Variants in ABCB1 observed in about 807,000 individuals in gnomAD.
ABCB1 encodes ATP-dependent translocase ABCB1.
Under a neutral mutation model 142.0 loss-of-function variants are expected in ABCB1, and 69 were observed. That is an observed-to-expected ratio of 0.49 (90% confidence interval 0.40 to 0.59). The LOEUF (loss-of-function observed/expected upper bound fraction) is 0.59. ABCB1 is among the 20% of genes least tolerant of loss of function. The pLI is 0.00. For missense variants in ABCB1, 1,326 were observed against 1,554.7 expected, an observed-to-expected ratio of 0.85 and a Z score of 2.47; for synonymous variants, 532 against 539.2, an observed-to-expected ratio of 0.99 and a Z score of 0.18.
intron 1 of ABCB1, among the ~76,000 whole-genome samples, chr7:87,706,841 T>G (rs1330559124): frequency 6.6e-6 from 1 of 152,130 alleles, no homozygotes; most frequent in Non-Finnish European, 1.5e-5. Context: ...CATCTGTAGC[T>G]CAAAGCAAAG....
intron 20 of ABCB1, among the ~76,000 whole-genome samples, chr7:87,532,860 AC>A (rs1395175101): frequency 6.6e-6 from 1 of 152,050 alleles, no homozygotes. Context: ...CTGCATCGGG[AC>A]CCCTTTCTAG....
intron 21 of ABCB1, among the ~76,000 whole-genome samples, chr7:87,530,785 A>AAAAGAAAG (rs1169069796): frequency 7.7e-6 from 1 of 129,792 alleles, no homozygotes; most frequent in Non-Finnish European, 1.7e-5. Flanking sequence ...AGCTTGAAAG[A>AAAAGAAAG]AAAGAAAGAA....
At chr7:87,568,257 T>TAATAAC (rs1286398432) in intron 5 of ABCB1, among the ~76,000 whole-genome samples, 1 of 133,678 alleles carries the variant, frequency 7.5e-6, no homozygotes, top group Non-Finnish European at 1.6e-5. Context: ...ATAATAATAA[T>TAATAAC]AATAATAATA....
At chr7:87,615,133 A>G (rs1819993436) in intron 1 of ABCB1, among the ~76,000 whole-genome samples, 1 of 152,110 alleles carries the variant, frequency 6.6e-6, no homozygotes, top group Admixed American at 6.5e-5. Flanking sequence ...CCCTGCGCCC[A>G]GCCTTGCCTT....
intron 1 of ABCB1, among the ~76,000 whole-genome samples, chr7:87,704,122 T>C (rs978968177): frequency 6.6e-6 from 1 of 151,936 alleles, no homozygotes; most frequent in Non-Finnish European, 1.5e-5. Context: ...GGTTTCACCA[T>C]ATTGGCCAGG....
chr7:87,684,746 C>CAAAAAAAAAAAAAAAAAAAAAAAAA (rs71524694), intron 1 of ABCB1, among the ~76,000 whole-genome samples: 1 of 37,784 alleles, frequency 2.6e-5, no homozygotes, highest in Non-Finnish European at 4.0e-5. Context: ...GACTCCGTCT[C>CAAAAAAAAAAAAAAAAAAAAAAAAA]AAAAAAAAAA....
intron 14 of ABCB1, among the ~76,000 whole-genome samples, chr7:87,549,008 G>T (rs1391632993): frequency 6.6e-6 from 1 of 152,122 alleles, no homozygotes; most frequent in African/African-American, 2.4e-5. Context: ...CTAAATAACA[G>T]GGTTATCCAC....
intron 1 of ABCB1, among the ~76,000 whole-genome samples, chr7:87,633,293 A>G (rs1426680885): frequency 2.0e-5 from 3 of 152,204 alleles, no homozygotes; most frequent in Non-Finnish European, 2.9e-5. Context: ...AATATTTACA[A>G]TATTTTGGAT....
intron 20 of ABCB1, among the ~76,000 whole-genome samples, chr7:87,532,526 A>T (rs1485952897): frequency 6.6e-6 from 1 of 152,188 alleles, no homozygotes; most frequent in East Asian, 1.9e-4. Context: ...ATGTATTAGC[A>T]TGCTCAAAGA....
At chr7:87,628,080 C>T (rs1820780718) in intron 1 of ABCB1, among the ~76,000 whole-genome samples, 2 of 152,228 alleles carry the variant, frequency 1.3e-5, no homozygotes, top group Admixed American at 6.5e-5. Context: ...GCTACGGCAG[C>T]CACGCAAATA....
chr7:87,592,805 G>T (rs1819047325), intron 3 of ABCB1, among the ~76,000 whole-genome samples: 1 of 152,044 alleles, frequency 6.6e-6, no homozygotes, highest in African/African-American at 2.4e-5. Context: ...CCTGGTACAA[G>T]GGAAACACTT....
At chr7:87,626,023 T>TATATATAG (rs1378522030) in intron 1 of ABCB1, among the ~76,000 whole-genome samples, 3 of 114,538 alleles carry the variant, frequency 2.6e-5, no homozygotes, top group African/African-American at 7.6e-5. Context: ...TATATATATA[T>TATATATAG]AGAGAGAGAG....
At chr7:87,670,553 C>T (rs903323955) in intron 1 of ABCB1, among the ~76,000 whole-genome samples, 5 of 152,230 alleles carry the variant, frequency 3.3e-5, no homozygotes, top group African/African-American at 1.2e-4. Flanking sequence ...ATACTCTGAA[C>T]ATTTGAGTTA....
rs1210266411 is a variant in ABCB1 at position 87,504,360 on chromosome 7, T to G, written c.3726A>C (p.Leu1242Phe). 1 of 1,613,980 alleles carries G rather than the reference T, an allele frequency of 6.2e-7. No homozygotes were observed. ...CTCTGCCATTCTGAAACACCACTAT[T>G]AAGTCTGCATTCTGGATGGTGGACA... ...HRLSTIQNAD[L>F]IVVFQNGRVK... The change falls in exon 28 of 28, where the codon TTA becomes TTC. Residue 1242 changes from leucine to phenylalanine, a missense_variant. Leu to Phe is a conservative substitution (Grantham distance 22). Transcript: ENST00000622132.
intron 4 of ABCB1, among the ~76,000 whole-genome samples, chr7:87,580,897 T>A (rs1364740976): frequency 6.6e-6 from 1 of 151,896 alleles, no homozygotes. Context: ...TGCAGGCAAT[T>A]CAAGACTCTC....
In ABCB1 at chr7:87,550,736, T is replaced by C; in HGVS notation, c.1102A>G (p.Ile368Val). 1 of 1,611,490 alleles carries C rather than the reference T, an allele frequency of 6.2e-7. No individual in the cohort carries two copies. The highest frequency in any genetic ancestry group is 8.5e-7 in the Non-Finnish European group (1 of 1,177,602). ...CAACTCAGACTTACATTATCAATTA[T>C]CTTGAAGATTTCATAAGCTGCTCCT... ...ARGAAYEIFK[I>V]IDNKPSIDSY... The change falls in exon 10 of 28, where the codon ATA becomes GTA. Residue 368 changes from isoleucine to valine, a missense_variant. By Grantham distance (29) the Ile-to-Val change is conservative (BLOSUM62 3). Transcript: ENST00000622132.
At chr7:87,710,891 C>A (rs1563153410) in intron 1 of ABCB1, among the ~76,000 whole-genome samples, 1 of 152,164 alleles carries the variant, frequency 6.6e-6, no homozygotes, top group Non-Finnish European at 1.5e-5. Context: ...TTTTCTAAAT[C>A]ATTTCTGATT....
chr7:87,578,870 T>G (rs933386126), intron 4 of ABCB1, among the ~76,000 whole-genome samples: 14 of 151,842 alleles, frequency 9.2e-5, no homozygotes, highest in African/African-American at 3.4e-4. Flanking sequence ...ATTTTTTGTA[T>G]TTTTAGTAGA....
chr7:87,583,581 G>T (rs964409434), intron 4 of ABCB1, among the ~76,000 whole-genome samples: 6 of 152,130 alleles, frequency 3.9e-5, no homozygotes, highest in Admixed American at 3.9e-4. Context: ...AAGCTGTGGT[G>T]ATGTGGCCCC....
Sources: allele counts gnomAD v4.1 joint callset (sites outside exome capture counted in the v4.1 genomes callset), GRCh38; gene constraint gnomAD v4.1.1; transcripts MANE v1.5; gene names NCBI Gene and HGNC (gene_info 2026-07-23, HGNC 2026-07-21).